Variants in NUP98 observed in about 807,000 individuals in gnomAD.
NUP98 encodes nucleoporin 98 and 96 precursor.
A neutral mutation model predicts 191.9 loss-of-function variants in NUP98; 26 were observed. The observed-to-expected ratio is 0.14, with a 90% CI of 0.10 to 0.19. The LOEUF (loss-of-function observed/expected upper bound fraction) is 0.19. Ranked by LOEUF, NUP98 falls within the 10% of genes least tolerant of loss-of-function variation. The probability of loss-of-function intolerance (pLI) is 1.00; values close to 1 mark genes in which losing one functional copy is unlikely to be tolerated. For missense variants in NUP98, 1,941 were observed against 2,178.8 expected (o/e 0.89, Z 2.17); for synonymous variants, 808 against 778.4 (o/e 1.04, Z -0.63).
chr11:3,712,944 A>T (rs1371517709), intron 19 of NUP98, among the ~76,000 whole-genome samples: 3 of 152,258 alleles, frequency 2.0e-5, no homozygotes, highest in Non-Finnish European at 4.4e-5. Context: ...ATTAATAAAG[A>T]TTACATAATA....
Position 3,723,239 on chromosome 11 carries a change from A to G in NUP98, c.2064T>C (p.Ser688=), listed in dbSNP as rs775610734. The G allele has an allele frequency of 1.2e-6, 2 of 1,614,172 alleles. No individual in the cohort carries two copies. Among genetic ancestry groups the G allele is most frequent in the South Asian group, 2.2e-5 (2 of 91,080 alleles). Residue 688 remains serine (S), a synonymous_variant, in exon 16 of 33, where the codon AGT becomes AGC. Transcript: ENST00000324932. Reference sequence around the variant, plus strand: ...ACTCATCATGAAAAGACGTTTCTTCACTGCTTCCTTCCAGCCCATTTCGCA... The same window carrying G: ...ACTCATCATGAAAAGACGTTTCTTCGCTGCTTCCTTCCAGCCCATTTCGCA... ...AALRNGLEGS[S]EETSFHDESL...
Position 3,788,956 on chromosome 11 carries a change from A to C in NUP98, c.-28-6811T>G, listed in dbSNP as rs1319016265. Among the ~76,000 whole-genome samples, 4 of 152,196 alleles carry C rather than the reference A, an allele frequency of 2.6e-5. No individual in the cohort carries two copies. The East Asian group carries it at 7.7e-4, about 29-fold the overall frequency. ...CAGTGAAACTCCATCTCAAAAAAAC[A>C]ACCAAAAAAAAACCTGTCAGTTACC... On this transcript the variant is annotated intron_variant, in intron 1 of 32. Coordinates refer to ENST00000324932, the MANE Select transcript of NUP98 (RefSeq NM_016320.5).
intron 20 of NUP98, among the ~76,000 whole-genome samples, chr11:3,710,147 C>T (rs1346060984): frequency 6.6e-6 from 1 of 152,124 alleles, no homozygotes; most frequent in East Asian, 1.9e-4. Context: ...GCCTGAGCCC[C>T]ATGCCAAATC....
At chr11:3,759,296 A>G (rs1415534609) in intron 10 of NUP98, among the ~76,000 whole-genome samples, 1 of 152,224 alleles carries the variant, frequency 6.6e-6, no homozygotes, top group East Asian at 1.9e-4. Flanking sequence ...AGGTAGTTAT[A>G]AGATATATTG....
At position 3,702,910 on chromosome 11, in the gene NUP98, T is replaced by C. The variant is rs1378367123; in HGVS notation, c.3083-18A>G. On this transcript the variant is annotated intron_variant, in intron 22 of 32. Coordinates refer to ENST00000324932, the MANE Select transcript of NUP98 (RefSeq NM_016320.5). ...CCCACCAACTGAAATGAAGCGGGAATGAAGGGGAGAAAGACTATTACAAAA... is the reference window on the plus strand; with the variant it reads ...CCCACCAACTGAAATGAAGCGGGAACGAAGGGGAGAAAGACTATTACAAAA... The C allele has an allele frequency of 6.3e-7, 1 of 1,580,874 alleles. No individual in the cohort carries two copies. Among genetic ancestry groups the C allele is most frequent in the Non-Finnish European group, 8.6e-7 (1 of 1,159,568 alleles).
chr11:3,754,191 G>A (rs2080872866), intron 10 of NUP98, among the ~76,000 whole-genome samples: 1 of 152,226 alleles, frequency 6.6e-6, no homozygotes, highest in Non-Finnish European at 1.5e-5. Flanking sequence ...CACTTTGGGA[G>A]GCCAAGGTGG....
chr11:3,748,320 C>A, intron 11 of NUP98, among the ~76,000 whole-genome samples: 1 of 152,278 alleles, frequency 6.6e-6, no homozygotes, highest in East Asian at 1.9e-4. Context: ...AATCCCAGTA[C>A]TTTGGAAGGC....
At chr11:3,785,971 C>A (rs538533691) in intron 1 of NUP98, among the ~76,000 whole-genome samples, 1 of 152,218 alleles carries the variant, frequency 6.6e-6, no homozygotes, top group Admixed American at 6.5e-5. Flanking sequence ...GAAACCCCCA[C>A]CAAGAATACA....
chr11:3,787,964 C>A (rs2082198608), intron 1 of NUP98, among the ~76,000 whole-genome samples: 2 of 152,188 alleles, frequency 1.3e-5, no homozygotes, highest in South Asian at 4.2e-4. Context: ...TGCACTCCAG[C>A]CTGGCGACGG....
rs2081541731 is a variant in NUP98 at position 3,771,828 on chromosome 11, G to C, written c.704C>G (p.Ser235Cys). Residue 235 changes from serine to cysteine, a missense_variant, in exon 7 of 33, where the codon TCC (serine) becomes TGC (cysteine). By Grantham distance (112) the Ser-to-Cys change is moderately radical (BLOSUM62 -1). Coordinates refer to ENST00000324932, the MANE Select transcript of NUP98 (RefSeq NM_016320.5). ...GGAGCTGAAGAGTCCTGTTGCGCTG[G>C]AAGTGGCTGGAGAAGACCCAAACAA... ...TGLFGSSPAT[S>C]SATGLFSSST... 6.2e-7 allele frequency: 1 copy of C among 1,614,172 alleles called. No individual in the cohort carries two copies. Among genetic ancestry groups the C allele is most frequent in the Non-Finnish European group, 8.5e-7 (1 of 1,180,032 alleles).
chr11:3,765,090 G>T (rs1356587480), intron 8 of NUP98, among the ~76,000 whole-genome samples: 1 of 152,116 alleles, frequency 6.6e-6, no homozygotes, highest in Non-Finnish European at 1.5e-5. Context: ...ATACATCCTG[G>T]ATACAAGTCC....
intron 28 of NUP98, 52 bp downstream of exon 28, chr11:3,691,295 C>T (rs771240697): frequency 2.3e-4 from 365 of 1,610,544 alleles, no homozygotes; most frequent in Non-Finnish European, 3.0e-4. Flanking sequence ...CAAAGGACTC[C>T]CCTGGGGCTC....
chr11:3,777,860 T>C (rs1002045136), intron 4 of NUP98, among the ~76,000 whole-genome samples: 1 of 152,028 alleles, frequency 6.6e-6, no homozygotes, highest in Non-Finnish European at 1.5e-5. Context: ...TATACTGTTA[T>C]GGCTAAATAT....
intron 12 of NUP98, among the ~76,000 whole-genome samples, chr11:3,738,107 A>AAAAAAAAAAAAACAAAAAAAAACC (rs1554894745): frequency 3.4e-5 from 5 of 147,568 alleles, no homozygotes; most frequent in African/African-American, 2.4e-5. Context: ...AAAAAAAAAA[A>AAAAAAAAAAAAACAAAAAAAAACC]CCAAAGACTT....
At position 3,735,748 on chromosome 11, in the gene NUP98, A is replaced by AGTGTGTGTGT. The variant is rs71041385; in HGVS notation, c.1409-434_1409-425dup. ...TAATACGACAGTATACAGGGCAAGTAGTGTGTGTGTGTGTGTGTGTGTGTG... is the reference window on the plus strand; with the variant it reads ...TAATACGACAGTATACAGGGCAAGTAGTGTGTGTGTGTGTGTGTGTGTGTGTGTGTGTGTG... On this transcript the variant is annotated intron_variant, in intron 12 of 32. Coordinates refer to ENST00000324932, the MANE Select transcript of NUP98 (RefSeq NM_016320.5). Among the ~76,000 whole-genome samples, 158 of 140,964 alleles carry AGTGTGTGTGT rather than the reference A, an allele frequency of 1.1e-3. 2 individuals are homozygous for AGTGTGTGTGT. Among genetic ancestry groups the AGTGTGTGTGT allele is most frequent in the African/African-American group, 2.1e-3 (79 of 37,886 alleles). The allele number at this position is 140,964 out of a possible 152,430, so 92.5% of individuals were successfully genotyped here.
In NUP98 at chr11:3,722,556, G is replaced by A. The variant is rs1013175414; in HGVS notation, c.2146+601C>T. Among the ~76,000 whole-genome samples the A allele has an allele frequency of 1.1e-4, 16 of 152,102 alleles. 1 individual carries two copies. The highest frequency in any genetic ancestry group is 3.9e-4 in the African/African-American group (16 of 41,418). On this transcript the variant is annotated intron_variant, in intron 16 of 32. Coordinates refer to ENST00000324932, the MANE Select transcript of NUP98 (RefSeq NM_016320.5). Reference sequence around the variant, plus strand: ...AAACACCCAAAATGGGCTGGGCATGGTGGCTCATGCCTGTAATCCTAGCAC... The same window carrying A: ...AAACACCCAAAATGGGCTGGGCATGATGGCTCATGCCTGTAATCCTAGCAC...
chr11:3,753,472 G>T, intron 10 of NUP98, 64 bp from the exon 11 acceptor site: 1 of 1,275,056 alleles, frequency 7.8e-7, no homozygotes, highest in South Asian at 1.2e-5. Flanking sequence ...CTCTATAAGG[G>T]AGTTTAACAC....
Position 3,720,705 on chromosome 11 carries a change from C to A in NUP98, c.2260+7G>T. 6.8e-7 allele frequency: 1 copy of A among 1,473,466 alleles called. No individual in the cohort carries two copies. The highest frequency in any genetic ancestry group is 2.3e-5 in the East Asian group (1 of 44,164). The allele number at this position is 1,473,466 out of a possible 1,614,324, so 91.3% of individuals were successfully genotyped here. On this transcript the variant is annotated splice_region_variant and intron_variant, in intron 17 of 32. Transcript: ENST00000324932. ...GCTTAATCACTAAGTGCTAAACTCA[C>A]ACTTACCTTTCCGACCAATAGTGAA...
chr11:3,709,998 C>CAA (rs71466124), intron 20 of NUP98, among the ~76,000 whole-genome samples: 44 of 94,440 alleles, frequency 4.7e-4, no homozygotes, highest in Admixed American at 1.3e-3. Context: ...AAAAAGTTTA[C>CAA]AAAAAAAAAA....
Sources: allele counts gnomAD v4.1 joint callset (sites outside exome capture counted in the v4.1 genomes callset), GRCh38; gene constraint gnomAD v4.1.1; transcripts MANE v1.5; gene names NCBI Gene and HGNC (gene_info 2026-07-23, HGNC 2026-07-21).